The following ALG8 variants were observed in gnomAD, a reference collection of about 807,000 sequenced individuals.
ALG8 encodes dolichyl pyrophosphate Glc1Man9GlcNAc2 alpha-1,3-glucosyltransferase.
In ALG8, 48 loss-of-function variants were observed where a neutral mutation model predicts 70.2. The observed-to-expected ratio is 0.68, with a 90% CI of 0.54 to 0.87. The LOEUF (loss-of-function observed/expected upper bound fraction) is 0.87, where lower values mean the gene tolerates loss of function less well. ALG8 is among the 40% of genes least tolerant of loss of function. The pLI is 0.00. For missense variants in ALG8, 572 were observed against 608.7 expected, an observed-to-expected ratio of 0.94 and a Z score of 0.64; for synonymous variants, 234 against 229.0, an observed-to-expected ratio of 1.02 and a Z score of -0.20.
At chr11:78,112,903 T>C (rs1860369738) in intron 7 of ALG8, 133 bp from the exon 8 acceptor site, 1 of 1,052,416 alleles carries the variant, frequency 9.5e-7, no homozygotes, top group African/African-American at 1.6e-5. Flanking sequence ...TAAGTGGTTA[T>C]ATGCTCACCA....
intron 11 of ALG8, 98 bp downstream of exon 11, chr11:78,104,258 G>C: frequency 8.5e-7 from 1 of 1,179,366 alleles, no homozygotes; most frequent in Non-Finnish European, 1.2e-6. Context: ...CTCTATCCAA[G>C]AGATTTTAGA....
intron 1 of ALG8, among the ~76,000 whole-genome samples, chr11:78,136,994 C>G (rs559086): frequency 6.6e-6 from 1 of 151,708 alleles, no homozygotes; most frequent in Non-Finnish European, 1.5e-5. Flanking sequence ...CTCCACCTCC[C>G]GGGTTCAAGT....
At position 78,130,361 on chromosome 11, in the gene ALG8, A is replaced by AAAAAAAAAGAAAAGAAAG. The variant is rs928560857; in HGVS notation, c.96-2926_96-2925insCTTTCTTTTCTTTTTTTT. On this transcript the variant is annotated intron_variant, in intron 1 of 12. Coordinates refer to ENST00000299626, the MANE Select transcript of ALG8 (RefSeq NM_024079.5). ...AAGACCCGGTCTCAAAAAAAAAAAA[A>AAAAAAAAAGAAAAGAAAG]AAAAAAGGTGAGAATATCAATACCT... is the stretch of plus-strand genomic sequence containing the variant. Among the ~76,000 whole-genome samples, 1,245 of 132,660 alleles carry AAAAAAAAAGAAAAGAAAG rather than the reference A, an allele frequency of 9.4e-3. 42 individuals carry two copies. Among genetic ancestry groups the AAAAAAAAAGAAAAGAAAG allele is most frequent in the African/African-American group, 0.037 (1,174 of 31,654 alleles). The allele number at this position is 132,660 out of a possible 152,430, so 87.0% of individuals were successfully genotyped here.
intron 7 of ALG8, among the ~76,000 whole-genome samples, chr11:78,113,595 C>T (rs547772448): frequency 6.6e-6 from 1 of 151,878 alleles, no homozygotes; most frequent in South Asian, 2.1e-4. Flanking sequence ...TGCCTGTAAT[C>T]CCACCTACTC....
intron 1 of ALG8, chr11:78,137,183 GCTT>G (rs1361268431): frequency 6.6e-6 from 1 of 152,076 alleles, no homozygotes; most frequent in African/African-American, 2.4e-5. Context: ...CCGGCCGATG[GCTT>G]CTTTTCTTAA....
chr11:78,139,233 C>T, intron 1 of ALG8: 2 of 513,706 alleles, frequency 3.9e-6, no homozygotes, highest in Non-Finnish European at 7.0e-6. Flanking sequence ...AGGTTCTTAA[C>T]TGCCTATTAA....
intron 8 of ALG8, 150 bp downstream of exon 8, chr11:78,112,500 C>T: frequency 8.6e-7 from 1 of 1,163,210 alleles, no homozygotes; most frequent in African/African-American, 1.5e-5. Flanking sequence ...GTCCCAAGAA[C>T]TGCTCCCCCT....
At chr11:78,104,819 C>G (rs1208369855) in intron 10 of ALG8, among the ~76,000 whole-genome samples, 3 of 152,072 alleles carry the variant, frequency 2.0e-5, no homozygotes, top group African/African-American at 7.2e-5. Flanking sequence ...CAAAAATTAG[C>G]TGGGCATGGT....
chr11:78,129,435 A>T (rs1042338350), intron 1 of ALG8, among the ~76,000 whole-genome samples: 11 of 133,832 alleles, frequency 8.2e-5, no homozygotes, highest in Admixed American at 1.5e-4. Flanking sequence ...AAAAAAAAAA[A>T]TGTGCAAAGT....
At chr11:78,105,387 A>G (rs899203431) in intron 10 of ALG8, among the ~76,000 whole-genome samples, 7 of 152,192 alleles carry the variant, frequency 4.6e-5, no homozygotes, top group Admixed American at 6.5e-5. Context: ...TTTTTTTAGC[A>G]TGGCATAGTG....
In ALG8 at chr11:78,112,429, A is replaced by T. The variant is rs1169278826; in HGVS notation, c.898+221T>A. The T allele has an allele frequency of 1.1e-5, 6 of 527,118 alleles. No individual in the cohort carries two copies. The Admixed American group carries it at 1.9e-4, about 17-fold the overall frequency. The allele number at this position is 527,118 out of a possible 1,614,324, so 32.7% of individuals were successfully genotyped here. A position where few individuals can be genotyped will look rare whatever the true frequency, so the allele number is the denominator to read the frequency against. On this transcript the variant is annotated intron_variant, in intron 8 of 12. Coordinates refer to ENST00000299626, the MANE Select transcript of ALG8 (RefSeq NM_024079.5). ...TTTTTTCCCCAGGAAAGGATCAATA[A>T]CCTCATTACCACAAGGAGCTTTTAT... is the stretch of plus-strand genomic sequence containing the variant.
intron 1 of ALG8, among the ~76,000 whole-genome samples, chr11:78,131,521 T>A (rs1158259742): frequency 6.6e-6 from 1 of 151,188 alleles, no homozygotes; most frequent in African/African-American, 2.5e-5. Flanking sequence ...GAGGACGGCT[T>A]GAGCCCAGGA....
chr11:78,134,454 TTAAAA>T (rs1861456123), intron 1 of ALG8, among the ~76,000 whole-genome samples: 1 of 152,166 alleles, frequency 6.6e-6, no homozygotes, highest in South Asian at 2.1e-4. Flanking sequence ...TGGCAATTGC[TTAAAA>T]TAAAACAACA....
At chr11:78,119,400 C>A (rs996917645) in intron 4 of ALG8, 151 bp from the exon 5 acceptor site, 3 of 556,258 alleles carry the variant, frequency 5.4e-6, no homozygotes, top group Non-Finnish European at 6.5e-6. Context: ...AATATGTTTT[C>A]TATAAACAGA....
chr11:78,114,220 T>A, intron 6 of ALG8, 46 bp downstream of exon 6: 2 of 1,612,022 alleles, frequency 1.2e-6, no homozygotes, highest in Non-Finnish European at 1.7e-6. Flanking sequence ...GTCAACACAG[T>A]AAGGGAAAAA....
chr11:78,119,922 C>T (rs1415963648), intron 4 of ALG8, among the ~76,000 whole-genome samples: 1 of 151,900 alleles, frequency 6.6e-6, no homozygotes, highest in Non-Finnish European at 1.5e-5. Context: ...GTTAACATGG[C>T]AAACCCCCGT....
intron 1 of ALG8, among the ~76,000 whole-genome samples, chr11:78,127,800 C>A (rs369279115): frequency 1.3e-5 from 2 of 151,686 alleles, no homozygotes; most frequent in African/African-American, 4.9e-5. Flanking sequence ...ACTGCCGCCC[C>A]CCGGGTTCAC....
intron 4 of ALG8, among the ~76,000 whole-genome samples, chr11:78,119,801 C>T (rs867761870): frequency 1.8e-4 from 28 of 152,122 alleles, no homozygotes; most frequent in Admixed American, 1.6e-3. Context: ...ATAGTCAGAT[C>T]TTTAATTGAA....
intron 1 of ALG8, among the ~76,000 whole-genome samples, chr11:78,138,294 A>G (rs1200714330): frequency 6.6e-6 from 1 of 150,634 alleles, no homozygotes; most frequent in Non-Finnish European, 1.5e-5. Context: ...GGTTGCAGTA[A>G]GCTGAGATCG....
Sources: gnomAD v4.1 joint callset for allele counts (sites outside exome capture counted in the v4.1 genomes callset) on GRCh38, gnomAD v4.1.1 for gene constraint, MANE v1.5 for transcripts, NCBI Gene and HGNC (gene_info 2026-07-23, HGNC 2026-07-21) for gene names.